The following NLGN1 variants were observed in gnomAD, a reference collection of about 807,000 sequenced individuals.
The protein encoded by NLGN1 is neuroligin 1, also known as neuroligin-1.
A neutral mutation model predicts 65.5 loss-of-function variants in NLGN1; 12 were observed. That is an observed-to-expected ratio of 0.18 (90% confidence interval 0.12 to 0.30). The LOEUF (loss-of-function observed/expected upper bound fraction) is 0.30, where lower values mean the gene tolerates loss of function less well. Ranked by LOEUF, NLGN1 falls within the 10% of genes least tolerant of loss-of-function variation. The pLI is 1.00. For missense variants in NLGN1, 750 were observed against 1,007.1 expected (o/e 0.74, Z 3.46); for synonymous variants, 350 against 359.5 (o/e 0.97, Z 0.30).
At chr3:173,590,924 T>G (rs1393319751) in intron 2 of NLGN1, among the ~76,000 whole-genome samples, 1 of 152,134 alleles carries the variant, frequency 6.6e-6, no homozygotes, top group Non-Finnish European at 1.5e-5. Flanking sequence ...ATTGTTATAA[T>G]TTACTGAAGG....
At chr3:173,529,288 A>T (rs543443129) in intron 2 of NLGN1, among the ~76,000 whole-genome samples, 1 of 152,258 alleles carries the variant, frequency 6.6e-6, no homozygotes, top group South Asian at 2.1e-4. Context: ...AAGAGCCAGC[A>T]GCGCAAAAGC....
At chr3:173,711,512 C>T (rs1368717591) in intron 3 of NLGN1, among the ~76,000 whole-genome samples, 1 of 152,152 alleles carries the variant, frequency 6.6e-6, no homozygotes, top group Non-Finnish European at 1.5e-5. Context: ...TGGTTTATAA[C>T]AGTGTCTTTT....
At chr3:174,060,115 A>G (rs6789034) in intron 4 of NLGN1, among the ~76,000 whole-genome samples, 38,728 of 152,064 alleles carry the variant, frequency 0.25, 5,744 homozygotes, top group African/African-American at 0.42. Flanking sequence ...AAAAATTTGT[A>G]TTTCTACATG....
chr3:173,789,326 A>G (rs1160774456), intron 3 of NLGN1, among the ~76,000 whole-genome samples: 1 of 152,222 alleles, frequency 6.6e-6, no homozygotes, highest in Admixed American at 6.5e-5. Flanking sequence ...AAATACAGCC[A>G]GTCCTTTGTG....
chr3:174,190,643 A>G (rs898282787), intron 4 of NLGN1, among the ~76,000 whole-genome samples: 36 of 152,042 alleles, frequency 2.4e-4, no homozygotes, highest in Admixed American at 2.0e-3. Flanking sequence ...AAAAATTACT[A>G]TATTAACATA....
chr3:173,733,281 C>G (rs1773161536), intron 3 of NLGN1, among the ~76,000 whole-genome samples: 1 of 152,132 alleles, frequency 6.6e-6, no homozygotes, highest in Admixed American at 6.6e-5. Context: ...GAAAATCTTG[C>G]AAAACTTTCA....
intron 3 of NLGN1, among the ~76,000 whole-genome samples, chr3:173,675,529 A>C (rs1194221583): frequency 6.6e-6 from 1 of 152,142 alleles, no homozygotes; most frequent in East Asian, 1.9e-4. Flanking sequence ...ATAAGGAAAA[A>C]GTGCTTGCTA....
chr3:173,696,324 C>T (rs1015615779), intron 3 of NLGN1, among the ~76,000 whole-genome samples: 2 of 152,132 alleles, frequency 1.3e-5, no homozygotes, highest in African/African-American at 4.8e-5. Flanking sequence ...CAATGTCTAC[C>T]TTAGCACTCT....
chr3:174,017,325 A>C (rs1478530976), intron 4 of NLGN1, among the ~76,000 whole-genome samples: 2 of 152,140 alleles, frequency 1.3e-5, no homozygotes, highest in African/African-American at 4.8e-5. Context: ...TGAACATTTT[A>C]TTCAAAGCCA....
At chr3:173,578,487 A>C (rs1745891957) in intron 2 of NLGN1, among the ~76,000 whole-genome samples, 1 of 152,140 alleles carries the variant, frequency 6.6e-6, no homozygotes, top group Non-Finnish European at 1.5e-5. Context: ...ATAACTAAAA[A>C]TTTCTCTTTC....
chr3:174,056,608 A>G (rs1437136484), intron 4 of NLGN1, among the ~76,000 whole-genome samples: 1 of 152,034 alleles, frequency 6.6e-6, no homozygotes, highest in Non-Finnish European at 1.5e-5. Context: ...ACCAGGATAC[A>G]TAATGGGATT....
intron 3 of NLGN1, among the ~76,000 whole-genome samples, chr3:173,798,168 T>G (rs1714583310): frequency 6.6e-6 from 1 of 152,128 alleles, no homozygotes; most frequent in Non-Finnish European, 1.5e-5. Context: ...TGAGCTCACA[T>G]TAATGATTTC....
At chr3:174,142,220 T>C (rs1028391779) in intron 4 of NLGN1, among the ~76,000 whole-genome samples, 6 of 152,226 alleles carry the variant, frequency 3.9e-5, no homozygotes, top group Admixed American at 2.6e-4. Flanking sequence ...CTACATTTTG[T>C]TTTAGACATT....
At chr3:174,213,689 G>T (rs1345944771) in intron 4 of NLGN1, among the ~76,000 whole-genome samples, 3 of 152,188 alleles carry the variant, frequency 2.0e-5, no homozygotes, top group East Asian at 1.9e-4. Flanking sequence ...ACATTGAAAA[G>T]AACTGCATTC....
At chr3:173,761,640 T>C (rs1235809035) in intron 3 of NLGN1, among the ~76,000 whole-genome samples, 1 of 152,090 alleles carries the variant, frequency 6.6e-6, no homozygotes, top group Non-Finnish European at 1.5e-5. Context: ...GGGCCCTCCA[T>C]TTTAATAGAC....
intron 3 of NLGN1, among the ~76,000 whole-genome samples, chr3:173,658,821 G>T (rs1319541713): frequency 6.6e-6 from 1 of 151,958 alleles, no homozygotes; most frequent in Non-Finnish European, 1.5e-5. Context: ...AAATATCTTT[G>T]CATGTTCTAT....
At chr3:174,261,734 G>A (rs1746957061) in intron 4 of NLGN1, among the ~76,000 whole-genome samples, 1 of 142,706 alleles carries the variant, frequency 7.0e-6, no homozygotes, top group Admixed American at 7.2e-5. Context: ...AATAGGAGTG[G>A]TGAGAGAGGG....
At chr3:173,518,354 T>G (rs1734192259) in intron 2 of NLGN1, among the ~76,000 whole-genome samples, 1 of 151,850 alleles carries the variant, frequency 6.6e-6, no homozygotes, top group Admixed American at 6.6e-5. Flanking sequence ...AGGGATTTTT[T>G]GATGAGCTGT....
At chr3:173,653,457 G>A (rs1759523230) in intron 3 of NLGN1, among the ~76,000 whole-genome samples, 3 of 152,114 alleles carry the variant, frequency 2.0e-5, no homozygotes. Context: ...AAGGAATGCT[G>A]AATTCTATTA....
Sources: allele counts gnomAD v4.1 joint callset (sites outside exome capture counted in the v4.1 genomes callset), GRCh38; gene constraint gnomAD v4.1.1; transcripts MANE v1.5; gene names NCBI Gene and HGNC (gene_info 2026-07-23, HGNC 2026-07-21).